Variants in FAT3 observed in about 807,000 individuals in gnomAD.
FAT3 encodes protocadherin Fat 3.
A neutral mutation model predicts 310.2 loss-of-function variants in FAT3; 95 were observed. The ratio of observed to expected loss-of-function variants is 0.31; its 90% CI spans 0.26 to 0.36. The LOEUF is 0.36. Among genes scored for constraint, FAT3 ranks in the 10% least tolerant of loss-of-function variants. The probability of loss-of-function intolerance (pLI) is 1.00; values close to 1 mark genes in which losing one functional copy is unlikely to be tolerated. For synonymous variants in FAT3, 2,314 were observed against 2,192.9 expected, an observed-to-expected ratio of 1.06 and a Z score of -1.54; for missense variants, 5,408 against 5,715.6, an observed-to-expected ratio of 0.95 and a Z score of 1.74.
chr11:92,564,498 G>A (rs1955356928), intron 3 of FAT3, among the ~76,000 whole-genome samples: 1 of 151,250 alleles, frequency 6.6e-6, no homozygotes, highest in Non-Finnish European at 1.5e-5. Flanking sequence ...AGTCAACAAG[G>A]ATACCCAGGA....
chr11:92,696,451 A>G (rs1943945634), intron 3 of FAT3, among the ~76,000 whole-genome samples: 1 of 151,998 alleles, frequency 6.6e-6, no homozygotes, highest in Non-Finnish European at 1.5e-5. Flanking sequence ...GCTCTTTCAC[A>G]GCCCCTGGAA....
At chr11:92,804,048 G>T (rs999987013) in intron 10 of FAT3, among the ~76,000 whole-genome samples, 1 of 152,286 alleles carries the variant, frequency 6.6e-6, no homozygotes, top group Non-Finnish European at 1.5e-5. Flanking sequence ...AAGATTCATT[G>T]TAAGTGTGAG....
chr11:92,881,190 C>G (rs1949663260), intron 23 of FAT3, among the ~76,000 whole-genome samples: 1 of 152,190 alleles, frequency 6.6e-6, no homozygotes, highest in Non-Finnish European at 1.5e-5. Context: ...CCTAATATTT[C>G]TATTATAATT....
At position 92,735,929 on chromosome 11, in the gene FAT3, A is replaced by G. The variant is rs1040823267; in HGVS notation, c.3670-25927A>G. On this transcript the variant is annotated intron_variant, in intron 4 of 27. Coordinates refer to ENST00000525166, the MANE Select transcript of FAT3 (RefSeq NM_001367949.2). ...ACATCTCTGTGAGGTAGATATTGCT[A>G]TTCCCATGTAACAAATATGGATATT... is the stretch of plus-strand genomic sequence containing the variant. Among the ~76,000 whole-genome samples, 44 of 152,234 alleles carry G rather than the reference A, an allele frequency of 2.9e-4. 1 individual carries two copies. The highest frequency in any genetic ancestry group is 1.0e-3 in the African/African-American group (43 of 41,552).
intron 2 of FAT3, among the ~76,000 whole-genome samples, chr11:92,431,081 G>A (rs1385756063): frequency 1.3e-5 from 2 of 152,100 alleles, no homozygotes; most frequent in East Asian, 1.9e-4. Context: ...CTGAGGAATC[G>A]CCACACTGAC....
rs1211015159 is a variant in FAT3, at chr11:92,789,995, C to T, written c.4388C>T (p.Pro1463Leu). ...NNDNGPEFSQ[P>L]NYDVTISEDV... ...GATAATGGCCCAGAATTCTCTCAGC[C>T]GAATTACGATGTGACAATTTCCGAG... The change falls in exon 8 of 28, where the codon CCG (proline) becomes CTG (leucine). Residue 1463 changes from proline to leucine, a missense_variant. Pro to Leu is a moderately conservative substitution (Grantham distance 98). Transcript: ENST00000525166. 4.3e-6 allele frequency: 7 copies of T among 1,613,562 alleles called. No homozygotes were observed. Among genetic ancestry groups the T allele is most frequent in the East Asian group, 4.5e-5 (2 of 44,876 alleles).
At chr11:92,390,871 A>G (rs1949732565) in intron 2 of FAT3, among the ~76,000 whole-genome samples, 1 of 152,116 alleles carries the variant, frequency 6.6e-6, no homozygotes, top group Non-Finnish European at 1.5e-5. Context: ...TTAGAGTTGA[A>G]CAAGTGCTTC....
chr11:92,775,128 C>G (rs1946565597), intron 7 of FAT3, among the ~76,000 whole-genome samples: 1 of 152,110 alleles, frequency 6.6e-6, no homozygotes, highest in African/African-American at 2.4e-5. Context: ...TCATCAAGGC[C>G]CATTTTTCTG....
At chr11:92,762,212 A>T (rs1052930224) in intron 5 of FAT3, 42 bp downstream of exon 5, 1 of 1,549,842 alleles carries the variant, frequency 6.5e-7, no homozygotes, top group Non-Finnish European at 8.8e-7. Context: ...GATGGGGGGA[A>T]GTGGTTATGT....
At chr11:92,284,688 A>G (rs1298147137) in intron 1 of FAT3, among the ~76,000 whole-genome samples, 1 of 152,108 alleles carries the variant, frequency 6.6e-6, no homozygotes, top group African/African-American at 2.4e-5. Context: ...GAGGTTGAGT[A>G]CTAAGAAGAC....
chr11:92,367,277 A>G, intron 2 of FAT3: 1 of 251,574 alleles, frequency 4.0e-6, no homozygotes, highest in South Asian at 5.5e-5. Context: ...TGTGGTGCCA[A>G]CTGGTACAGA....
chr11:92,776,155 T>G (rs1320357499), intron 7 of FAT3, among the ~76,000 whole-genome samples: 1 of 152,220 alleles, frequency 6.6e-6, no homozygotes, highest in African/African-American at 2.4e-5. Context: ...CCGTATTCAT[T>G]TCCAGACTTT....
At chr11:92,706,437 G>C (rs1224348455) in intron 4 of FAT3, among the ~76,000 whole-genome samples, 2 of 152,086 alleles carry the variant, frequency 1.3e-5, no homozygotes, top group Non-Finnish European at 2.9e-5. Flanking sequence ...GGGAGGAACA[G>C]TGGATTCTAC....
At chr11:92,660,139 T>C (rs1942730408) in intron 3 of FAT3, among the ~76,000 whole-genome samples, 1 of 151,934 alleles carries the variant, frequency 6.6e-6, no homozygotes, top group African/African-American at 2.4e-5. Flanking sequence ...TTCTACATAA[T>C]AACAATCCAA....
At chr11:92,833,482 T>C (rs528506928) in intron 14 of FAT3, among the ~76,000 whole-genome samples, 1 of 152,318 alleles carries the variant, frequency 6.6e-6, no homozygotes, top group Admixed American at 6.5e-5. Context: ...TTCAGAGAAG[T>C]TAAATAATTA....
chr11:92,272,753 A>G (rs143132723), intron 1 of FAT3, among the ~76,000 whole-genome samples: 4 of 152,214 alleles, frequency 2.6e-5, no homozygotes, highest in Non-Finnish European at 4.4e-5. Context: ...TCCTCAGGCC[A>G]TCCTTACTTC....
intron 2 of FAT3, among the ~76,000 whole-genome samples, chr11:92,444,536 T>C (rs1951163844): frequency 6.6e-6 from 1 of 151,906 alleles, no homozygotes; most frequent in African/African-American, 2.4e-5. Flanking sequence ...AAATAAAAAA[T>C]TGTGTTATGA....
At chr11:92,878,656 AAAAAAAAAAAAG>A (rs1388453516) in intron 22 of FAT3, among the ~76,000 whole-genome samples, 8,082 of 116,534 alleles carry the variant, frequency 0.069, 786 homozygotes, top group East Asian at 0.15. Context: ...AAAAAAAAAA[AAAAAAAAAAAAG>A]CTCCGCACAA....
At position 92,837,168 on chromosome 11, in the gene FAT3, G is replaced by A. The variant is rs900337202; in HGVS notation, c.10224+465G>A. ...TCTTGACCAAAAAATATTCATCTTC[G>A]AAGGGAAATTAAATATGGAAAAGGA... On this transcript the variant is annotated intron_variant, in intron 16 of 27. Transcript: ENST00000525166. 3.9e-5 allele frequency among the ~76,000 whole-genome samples: 6 copies of A among 152,098 alleles called. No individual in the cohort carries two copies. In the South Asian group the frequency reaches 6.2e-4, roughly 16 times the overall value.
Sources: gnomAD v4.1 joint callset for allele counts (sites outside exome capture counted in the v4.1 genomes callset) on GRCh38, gnomAD v4.1.1 for gene constraint, MANE v1.5 for transcripts, NCBI Gene and HGNC (gene_info 2026-07-23, HGNC 2026-07-21) for gene names.